Variants in PGCKA1 observed in about 807,000 individuals in gnomAD.
PGCKA1 encodes the protein PDCD10 and GCKIII kinases-associated protein 1.
At chr4:37,519,336 T>C in the PGCKA1 span, among the ~76,000 whole-genome samples, 3 of 152,162 alleles carry the variant, frequency 2.0e-5, no homozygotes, top group Non-Finnish European at 4.4e-5. Context: ...ACAGATTACA[T>C]TGAATCTGTA....
chr4:37,575,408 T>C, the PGCKA1 span, among the ~76,000 whole-genome samples: 1 of 152,214 alleles, frequency 6.6e-6, no homozygotes, highest in Admixed American at 6.5e-5. Context: ...TTGAGAAATA[T>C]CTATTCAGAT....
At chr4:37,521,576 A>G in the PGCKA1 span, among the ~76,000 whole-genome samples, 2 of 152,060 alleles carry the variant, frequency 1.3e-5, no homozygotes, top group Non-Finnish European at 2.9e-5. Flanking sequence ...ATTTTTTTAA[A>G]TGTTTTAAGA....
the PGCKA1 span, chr4:37,588,904 A>G: frequency 6.2e-7 from 1 of 1,610,720 alleles, no homozygotes. Flanking sequence ...ACAAAGGTAA[A>G]GCTGGAGAAA....
the PGCKA1 span, among the ~76,000 whole-genome samples, chr4:37,582,162 G>T: frequency 6.6e-6 from 1 of 152,188 alleles, no homozygotes; most frequent in Non-Finnish European, 1.5e-5. Flanking sequence ...GTTCAAGATT[G>T]TCTTTCCTAC....
chr4:37,592,353 G>GAAAAA, the PGCKA1 span, among the ~76,000 whole-genome samples: 1 of 108,190 alleles, frequency 9.2e-6, no homozygotes, highest in Non-Finnish European at 2.0e-5. Flanking sequence ...CCATCTCTAT[G>GAAAAA]AAAAAAAAAA....
chr4:37,534,851 T>C, the PGCKA1 span, among the ~76,000 whole-genome samples: 3 of 152,242 alleles, frequency 2.0e-5, no homozygotes, highest in African/African-American at 7.2e-5. Flanking sequence ...TTTCAACATA[T>C]GGATTTTGGA....
At chr4:37,497,742 T>C in the PGCKA1 span, among the ~76,000 whole-genome samples, 2,836 of 152,312 alleles carry the variant, frequency 0.019, 115 homozygotes, top group African/African-American at 0.065. Flanking sequence ...GTTTTTTTCT[T>C]ACTGATTTGT....
the PGCKA1 span, among the ~76,000 whole-genome samples, chr4:37,564,855 G>A: frequency 6.6e-6 from 1 of 152,086 alleles, no homozygotes; most frequent in Admixed American, 6.6e-5. Flanking sequence ...TTGATGCTGA[G>A]CTTGTTAGAA....
chr4:37,482,018 T>C, the PGCKA1 span, among the ~76,000 whole-genome samples: 2 of 152,350 alleles, frequency 1.3e-5, no homozygotes, highest in South Asian at 4.1e-4. Flanking sequence ...CTGCCATGAT[T>C]GTAAGTTTCT....
the PGCKA1 span, among the ~76,000 whole-genome samples, chr4:37,544,072 A>C: frequency 6.6e-6 from 1 of 152,164 alleles, no homozygotes; most frequent in Non-Finnish European, 1.5e-5. Context: ...CTGAGAAAAG[A>C]TATATGGATG....
chr4:37,467,947 C>T, the PGCKA1 span, among the ~76,000 whole-genome samples: 1 of 152,304 alleles, frequency 6.6e-6, no homozygotes, highest in East Asian at 1.9e-4. Context: ...ACACAGCACT[C>T]TCAGGAGCTC....
chr4:37,580,637 G>A, the PGCKA1 span, among the ~76,000 whole-genome samples: 1,268 of 152,354 alleles, frequency 8.3e-3, 23 homozygotes, highest in African/African-American at 0.029. Context: ...TGAGCCACCT[G>A]AAGCTGGGGA....
chr4:37,555,796 T>A, the PGCKA1 span, among the ~76,000 whole-genome samples: 4 of 152,176 alleles, frequency 2.6e-5, no homozygotes, highest in Non-Finnish European at 5.9e-5. Context: ...CTTGTCTGTT[T>A]CTTTCACCCA....
chr4:37,585,018 T>G, the PGCKA1 span, among the ~76,000 whole-genome samples: 1 of 149,360 alleles, frequency 6.7e-6, no homozygotes, highest in Admixed American at 6.7e-5. Flanking sequence ...TTTTTTTTTT[T>G]TTTTTACTAC....
chr4:37,547,993 G>T, the PGCKA1 span, among the ~76,000 whole-genome samples: 1 of 128,948 alleles, frequency 7.8e-6, no homozygotes, highest in African/African-American at 2.9e-5. Context: ...AAAAAAAATG[G>T]TTATCTTCAA....
At chr4:37,562,187 C>T in the PGCKA1 span, among the ~76,000 whole-genome samples, 3 of 152,184 alleles carry the variant, frequency 2.0e-5, no homozygotes, top group Non-Finnish European at 4.4e-5. Context: ...AATGGCCACA[C>T]AAGCACCATG....
the PGCKA1 span, among the ~76,000 whole-genome samples, chr4:37,508,277 TC>T: frequency 5.9e-5 from 9 of 152,104 alleles, no homozygotes; most frequent in African/African-American, 2.2e-4. Flanking sequence ...GAAGTTATTA[TC>T]CCTTTGAATA....
At chr4:37,583,066 A>G in the PGCKA1 span, among the ~76,000 whole-genome samples, 2 of 152,166 alleles carry the variant, frequency 1.3e-5, no homozygotes, top group Non-Finnish European at 2.9e-5. Context: ...GTGTGGACTC[A>G]TAAGTCCTTG....
the PGCKA1 span, among the ~76,000 whole-genome samples, chr4:37,554,759 A>G: frequency 4.1e-4 from 63 of 152,304 alleles, no homozygotes; most frequent in African/African-American, 1.5e-3. Flanking sequence ...TTTGCAAACT[A>G]TTGATTGGTA....
Sources: allele counts gnomAD v4.1 joint callset (sites outside exome capture counted in the v4.1 genomes callset), GRCh38; gene constraint gnomAD v4.1.1; transcripts MANE v1.5; gene names NCBI Gene and HGNC (gene_info 2026-07-23, HGNC 2026-07-21).